The following ISM1 variants were observed in gnomAD, a reference collection of about 807,000 sequenced individuals.
ISM1 encodes isthmin 1.
Under a neutral mutation model 46.3 loss-of-function variants are expected in ISM1, and 25 were observed. The observed-to-expected ratio is 0.54, with a 90% CI of 0.39 to 0.75. The LOEUF (loss-of-function observed/expected upper bound fraction) is 0.75, where lower values mean the gene tolerates loss of function less well. Ranked by LOEUF, ISM1 falls within the 30% of genes least tolerant of loss-of-function variation. The pLI, the probability that ISM1 is intolerant of heterozygous loss-of-function variation, is 0.00. For synonymous variants in ISM1, 255 were observed against 256.7 expected, an observed-to-expected ratio of 0.99 and a Z score of 0.06; for missense variants, 536 against 625.4, an observed-to-expected ratio of 0.86 and a Z score of 1.52.
intron 5 of ISM1, among the ~76,000 whole-genome samples, chr20:13,293,155 G>A (rs371628679): frequency 5.4e-5 from 8 of 149,522 alleles, no homozygotes; most frequent in East Asian, 2.0e-4. Flanking sequence ...AGCTGAGATC[G>A]CGCCACTGCA....
chr20:13,221,963 TG>T lies in ISM1; in HGVS notation c.138+53del, dbSNP rs2039454768. 4.6e-6 allele frequency: 6 copies of T among 1,300,722 alleles called. No individual in the cohort carries two copies. The East Asian group carries it at 1.9e-4, about 41-fold the overall frequency. 80.6% of individuals were successfully genotyped at this position (1,300,722 alleles called of 1,614,324 possible). A position where few individuals can be genotyped will look rare whatever the true frequency, so the allele number is the denominator to read the frequency against. ...CGTGCGCGGCTGCGGGGACGGTTTGTGGGGCGGGGGTGCTGAGCTAGTGCCG... is the reference window on the plus strand; with the variant it reads ...CGTGCGCGGCTGCGGGGACGGTTTGTGGGCGGGGGTGCTGAGCTAGTGCCG... On this transcript the variant is annotated intron_variant, in intron 1 of 5. Coordinates refer to ENST00000262487, the MANE Select transcript of ISM1 (RefSeq NM_080826.2).
At chr20:13,256,395 C>CAAA (rs559300861) in intron 1 of ISM1, among the ~76,000 whole-genome samples, 27 of 71,690 alleles carry the variant, frequency 3.8e-4, no homozygotes, top group African/African-American at 6.5e-4. Flanking sequence ...GACCCCGTCT[C>CAAA]AAAAAAAAAA....
chr20:13,233,317 C>T (rs542998620), intron 1 of ISM1, among the ~76,000 whole-genome samples: 107 of 152,144 alleles, frequency 7.0e-4, no homozygotes, highest in East Asian at 5.8e-3. Context: ...GAGATCCTGC[C>T]GGGCGCGGTG....
In ISM1 at chr20:13,272,767, T is replaced by C. The variant is rs536912663; in HGVS notation, c.378+2024T>C. ...GAGCAATGGAACCCTTTGGAATAGG[T>C]GCAGATTGGCAAGGAAGGCACTGAC... On this transcript the variant is annotated intron_variant, in intron 2 of 5. Coordinates refer to ENST00000262487, the MANE Select transcript of ISM1 (RefSeq NM_080826.2). Among the ~76,000 whole-genome samples, 13 of 152,324 alleles carry C rather than the reference T, an allele frequency of 8.5e-5. No individual in the cohort carries two copies. In the East Asian group the frequency reaches 1.7e-3, roughly 20 times the overall value.
Position 13,279,880 on chromosome 20 carries a change from A to G in ISM1, c.625A>G (p.Lys209Glu). ...TAPGHRTFETKDQPEYDSTDG... is the reference protein window; with the variant it reads ...TAPGHRTFETEDQPEYDSTDG... The stretch of plus-strand genomic sequence containing the variant: ...CCCAGGCCACCGGACTTTTGAAACC[A>G]AAGATCAGCCAGAATATGGTGAGTT... Residue 209 changes from lysine (K) to glutamate (E), a missense_variant, in exon 3 of 6, where the codon AAA (lysine) becomes GAA (glutamate). Lys to Glu is a moderately conservative substitution (Grantham distance 56). Coordinates refer to ENST00000262487, the MANE Select transcript of ISM1 (RefSeq NM_080826.2). 6.2e-7 allele frequency: 1 copy of G among 1,613,958 alleles called. No individual in the cohort carries two copies. The highest frequency in any genetic ancestry group is 8.5e-7 in the Non-Finnish European group (1 of 1,179,862).
At chr20:13,264,513 C>T (rs1311762827) in intron 1 of ISM1, among the ~76,000 whole-genome samples, 1 of 152,182 alleles carries the variant, frequency 6.6e-6, no homozygotes, top group Non-Finnish European at 1.5e-5. Flanking sequence ...AGTGCTCATC[C>T]TAATTTGCCC....
chr20:13,252,624 G>A (rs140735057), intron 1 of ISM1, among the ~76,000 whole-genome samples: 7 of 152,138 alleles, frequency 4.6e-5, no homozygotes, highest in South Asian at 2.1e-4. Flanking sequence ...GTGTGGTGGC[G>A]TGCACCTGTA....
intron 3 of ISM1, among the ~76,000 whole-genome samples, chr20:13,282,415 G>C (rs2040247816): frequency 6.6e-6 from 1 of 152,174 alleles, no homozygotes; most frequent in Non-Finnish European, 1.5e-5. Context: ...ACCACCACTA[G>C]AAACAACTTT....
intron 5 of ISM1, among the ~76,000 whole-genome samples, chr20:13,296,584 T>C (rs2040409355): frequency 6.6e-6 from 1 of 151,868 alleles, no homozygotes; most frequent in Non-Finnish European, 1.5e-5. Flanking sequence ...GATCAGATAG[T>C]AGATTGGAGA....
chr20:13,300,416 G>T lies in ISM1; in HGVS notation c.*957G>T, dbSNP rs986136193. On this transcript the variant is annotated 3_prime_UTR_variant, in exon 6 of 6. Transcript: ENST00000262487. ...TATCCCCAATAAATAAATATAAAAGGGGGGGAGGGTCAATCTGGGGAATCT... is the reference window on the plus strand; with the variant it reads ...TATCCCCAATAAATAAATATAAAAGTGGGGGAGGGTCAATCTGGGGAATCT... 5 of 150,876 alleles carry T rather than the reference G, an allele frequency of 3.3e-5. No homozygotes were observed. The highest frequency in any genetic ancestry group is 1.2e-4 in the African/African-American group (5 of 40,320). The allele number at this position is 150,876 out of a possible 1,614,324, so 9.3% of individuals were successfully genotyped here.
At chr20:13,225,448 T>A (rs1346300176) in intron 1 of ISM1, among the ~76,000 whole-genome samples, 2 of 152,192 alleles carry the variant, frequency 1.3e-5, no homozygotes, top group Non-Finnish European at 2.9e-5. Flanking sequence ...TACACATACA[T>A]TATATATACA....
chr20:13,292,637 C>T lies in ISM1; in HGVS notation c.877+174C>T, dbSNP rs541351325. On this transcript the variant is annotated intron_variant, in intron 5 of 5. Coordinates refer to ENST00000262487, the MANE Select transcript of ISM1 (RefSeq NM_080826.2). ...TATACTTCAAGCAAGAGAAAACAGT[C>T]CTAAGCCTCCTCCACCGGACCGAGC... Among the ~76,000 whole-genome samples the T allele has an allele frequency of 4.6e-5, 7 of 152,240 alleles. No homozygotes were observed. The East Asian group carries it at 1.2e-3, about 25-fold the overall frequency.
At chr20:13,247,190 C>T (rs1073377) in intron 1 of ISM1, among the ~76,000 whole-genome samples, 37,639 of 151,806 alleles carry the variant, frequency 0.25, 4,749 homozygotes, top group African/African-American at 0.3. Context: ...GAGATCGCAC[C>T]ATTGCACTCC....
At chr20:13,256,122 G>A (rs569534461) in intron 1 of ISM1, among the ~76,000 whole-genome samples, 24 of 152,108 alleles carry the variant, frequency 1.6e-4, no homozygotes, top group Non-Finnish European at 2.9e-4. Flanking sequence ...GAGGACAGGC[G>A]TGGTGGCTCA....
At chr20:13,313,254 C>G in the ISM1 span, among the ~76,000 whole-genome samples, 1 of 152,222 alleles carries the variant, frequency 6.6e-6, no homozygotes, top group Non-Finnish European at 1.5e-5. Flanking sequence ...TCCCCCCACA[C>G]GCACCTGTTA....
At chr20:13,321,253 T>TAAAAA in the ISM1 span, among the ~76,000 whole-genome samples, 207 of 57,510 alleles carry the variant, frequency 3.6e-3, 9 homozygotes, top group African/African-American at 0.013. Flanking sequence ...GTGCCCCACA[T>TAAAAA]AAAAAAAAAA....
the ISM1 span, among the ~76,000 whole-genome samples, chr20:13,310,922 G>A: frequency 0.015 from 2,306 of 152,290 alleles, 31 homozygotes; most frequent in Middle Eastern, 0.027. Context: ...GGCCAGGCAC[G>A]GTGGCTCACG....
At chr20:13,225,196 T>A (rs1278276637) in intron 1 of ISM1, among the ~76,000 whole-genome samples, 2 of 152,060 alleles carry the variant, frequency 1.3e-5, no homozygotes, top group Non-Finnish European at 2.9e-5. Context: ...GGGAATTAGG[T>A]GCTATCATTA....
chr20:13,255,235 C>T (rs1245739215), intron 1 of ISM1, among the ~76,000 whole-genome samples: 2 of 152,164 alleles, frequency 1.3e-5, no homozygotes, highest in Non-Finnish European at 2.9e-5. Context: ...AGAATGATGG[C>T]AACCTGGACT....
Sources: allele counts gnomAD v4.1 joint callset (sites outside exome capture counted in the v4.1 genomes callset), GRCh38; gene constraint gnomAD v4.1.1; transcripts MANE v1.5; gene names NCBI Gene and HGNC (gene_info 2026-07-23, HGNC 2026-07-21).